The following ARMC3 variants were observed in gnomAD, a reference collection of about 807,000 sequenced individuals.
ARMC3 encodes armadillo repeat containing 3.
ARMC3 carries 74 observed loss-of-function variants against 90.3 expected under a neutral mutation model. That is an observed-to-expected ratio of 0.82 (90% CI 0.68 to 0.99). ARMC3 has a LOEUF of 0.99. Among genes scored for constraint, ARMC3 ranks in the 50% least tolerant of loss-of-function variants. ARMC3 has a pLI of 0.00. For missense variants in ARMC3, 958 were observed against 1,042.8 expected, an observed-to-expected ratio of 0.92 and a Z score of 1.12; for synonymous variants, 334 against 361.8, an observed-to-expected ratio of 0.92 and a Z score of 0.87.
intron 16 of ARMC3, among the ~76,000 whole-genome samples, chr10:23,024,433 G>A (rs1263471480): frequency 6.6e-6 from 1 of 152,000 alleles, no homozygotes; most frequent in Non-Finnish European, 1.5e-5. Flanking sequence ...CAGATAGATA[G>A]ATACCTCCAT....
Position 22,998,285 on chromosome 10 carries a change from A to T in ARMC3, c.1313A>T (p.His438Leu). Residue 438 changes from histidine to leucine, a missense_variant, in exon 11 of 19, where the codon CAC becomes CTC. His to Leu is a moderately conservative substitution (Grantham distance 99, BLOSUM62 -3). Coordinates refer to ENST00000298032, the MANE Select transcript of ARMC3 (RefSeq NM_173081.5). The stretch of plus-strand genomic sequence containing the variant: ...CCCCTGCGCCTGAACATACAGAATC[A>T]CGACATCATGCATGCCATCATCAGC... ...QEPLRLNIQN[H>L]DIMHAIISPL... is the part of the protein sequence containing the mutation. 1 of 1,612,638 alleles carries T rather than the reference A, an allele frequency of 6.2e-7. No individual in the cohort carries two copies. The highest frequency in any genetic ancestry group is 8.5e-7 in the Non-Finnish European group (1 of 1,179,222).
chr10:22,987,277 CTT>C (rs112421819), intron 10 of ARMC3, among the ~76,000 whole-genome samples: 4,481 of 152,278 alleles, frequency 0.029, 93 homozygotes, highest in African/African-American at 0.052. Context: ...TACTGAGAGA[CTT>C]ATTCTCTGAG....
chr10:22,975,807 C>T (rs1462510592), intron 8 of ARMC3, among the ~76,000 whole-genome samples: 1 of 152,122 alleles, frequency 6.6e-6, no homozygotes, highest in Non-Finnish European at 1.5e-5. Context: ...GTTTTTTCCA[C>T]TATACTTTGG....
intron 3 of ARMC3, among the ~76,000 whole-genome samples, chr10:22,952,332 A>G (rs1834767502): frequency 6.6e-6 from 1 of 152,210 alleles, no homozygotes; most frequent in Non-Finnish European, 1.5e-5. Flanking sequence ...CAAATTATCC[A>G]TATCAGGAGT....
chr10:23,010,796 T>C (rs570116339), intron 16 of ARMC3, among the ~76,000 whole-genome samples: 2 of 114,238 alleles, frequency 1.8e-5, no homozygotes, highest in African/African-American at 6.8e-5. Context: ...CTCCTCTCCT[T>C]TGCTCTCTCT....
chr10:22,963,335 G>A (rs1347740961), intron 7 of ARMC3, among the ~76,000 whole-genome samples: 1 of 152,120 alleles, frequency 6.6e-6, no homozygotes, highest in Non-Finnish European at 1.5e-5. Context: ...CAAAGAGGTT[G>A]AATAACTTGC....
In ARMC3 at chr10:22,955,915, G is replaced by A; in HGVS notation, c.275G>A (p.Gly92Glu). The change falls in exon 4 of 19, where the codon GGA becomes GAA. Residue 92 changes from glycine to glutamate, a missense_variant. Physicochemically the swap from Gly to Glu is moderately conservative, Grantham distance 98 (BLOSUM62 -2). Coordinates refer to ENST00000298032, the MANE Select transcript of ARMC3 (RefSeq NM_173081.5). ...IVRRNATMIF[G>E]ILASNNDVKK... ...AGAAGAAATGCTACTATGATATTTG[G>A]AATCCTGGCTTCTAATAGTAAGTAT... The A allele has an allele frequency of 6.2e-7, 1 of 1,605,274 alleles. No individual in the cohort carries two copies. Among genetic ancestry groups the A allele is most frequent in the Non-Finnish European group, 8.5e-7 (1 of 1,172,596 alleles).
In ARMC3 at chr10:22,998,386, G is replaced by A. The variant is rs1334966869; in HGVS notation, c.1414G>A (p.Ala472Thr). ...AVTATACDVEARTELRNSGGL... is the reference protein window; with the variant it reads ...AVTATACDVETRTELRNSGGL... Reference sequence around the variant, plus strand: ...CACCGCAACTGCGTGTGACGTTGAAGCCCGGACTGAGGTGAGAATTTTAAT... The same window carrying A: ...CACCGCAACTGCGTGTGACGTTGAAACCCGGACTGAGGTGAGAATTTTAAT... The change falls in exon 11 of 19, where the codon GCC becomes ACC. Residue 472 changes from alanine to threonine, a missense_variant. Transcript: ENST00000298032. The A allele has an allele frequency of 3.7e-6, 6 of 1,614,070 alleles. No homozygotes were observed. The highest frequency in any genetic ancestry group is 4.2e-6 in the Non-Finnish European group (5 of 1,179,992).
chr10:23,038,370 C>G lies in ARMC3; in HGVS notation c.*891C>G, dbSNP rs576622062. 1 of 152,070 alleles carries G rather than the reference C, an allele frequency of 6.6e-6. No individual in the cohort carries two copies. Among genetic ancestry groups the G allele is most frequent in the Admixed American group, 6.5e-5 (1 of 15,274 alleles). The allele number at this position is 152,070 out of a possible 1,614,324, so 9.4% of individuals were successfully genotyped here. ...TCGTGAAGTACATATTGCCTAGTCACGCTTAAAGTCCAGTGTTGACCTGTA... is the reference window on the plus strand; with the variant it reads ...TCGTGAAGTACATATTGCCTAGTCAGGCTTAAAGTCCAGTGTTGACCTGTA... On this transcript the variant is annotated 3_prime_UTR_variant, in exon 19 of 19. Transcript: ENST00000298032.
chr10:22,982,729 A>G (rs746453553), intron 10 of ARMC3, among the ~76,000 whole-genome samples: 1 of 152,174 alleles, frequency 6.6e-6, no homozygotes, highest in African/African-American at 2.4e-5. Flanking sequence ...CCCTGCCTCC[A>G]TCTCATTTGG....
intron 10 of ARMC3, among the ~76,000 whole-genome samples, chr10:22,985,749 T>A (rs1836391247): frequency 6.6e-6 from 1 of 152,216 alleles, no homozygotes; most frequent in South Asian, 2.1e-4. Context: ...TCCTTTTACT[T>A]ACAAATGGGC....
chr10:23,013,932 A>C (rs12251930), intron 16 of ARMC3, among the ~76,000 whole-genome samples: 1,847 of 152,224 alleles, frequency 0.012, 45 homozygotes, highest in African/African-American at 0.042. Flanking sequence ...TTATTTATTG[A>C]TTAATAATAT....
intron 14 of ARMC3, 47 bp downstream of exon 14, chr10:23,007,028 G>C (rs1837650686): frequency 7.2e-7 from 1 of 1,385,376 alleles, no homozygotes. Context: ...CATACTGCTT[G>C]TTGTTGTTGT....
chr10:22,937,468 G>A (rs1218713389), intron 2 of ARMC3, among the ~76,000 whole-genome samples: 1 of 152,142 alleles, frequency 6.6e-6, no homozygotes, highest in African/African-American at 2.4e-5. Flanking sequence ...TGTTTTAGAT[G>A]TGGGTTGGTG....
chr10:23,030,766 A>G lies in ARMC3; in HGVS notation c.2216A>G (p.Asn739Ser), dbSNP rs762798215. ...ACCAAATCAATACTGCCAATAACCA[A>G]TATTAAGGAACAGATTGAGGATCTG... ...EVTKSILPITNIKEQIEDLAK... is the reference protein window; with the variant it reads ...EVTKSILPITSIKEQIEDLAK... The change falls in exon 17 of 19, where the codon AAT becomes AGT. Residue 739 changes from asparagine to serine, a missense_variant. Physicochemically the swap from Asn to Ser is conservative, Grantham distance 46. Coordinates refer to ENST00000298032, the MANE Select transcript of ARMC3 (RefSeq NM_173081.5). The G allele has an allele frequency of 6.2e-7, 1 of 1,613,642 alleles. No homozygotes were observed. The highest frequency in any genetic ancestry group is 8.5e-7 in the Non-Finnish European group (1 of 1,179,694).
chr10:22,928,298 C>T (rs1184352798), intron 1 of ARMC3, among the ~76,000 whole-genome samples, 192 bp downstream of exon 1: 1 of 152,150 alleles, frequency 6.6e-6, no homozygotes, highest in Non-Finnish European at 1.5e-5. Context: ...ATCCCGCCAC[C>T]TCCCATTCAA....
chr10:22,931,916 A>G (rs1045449920), intron 1 of ARMC3, 80 bp from the exon 2 acceptor site: 19 of 1,230,522 alleles, frequency 1.5e-5, no homozygotes, highest in Non-Finnish European at 2.2e-5. Context: ...AGGAGAAAAT[A>G]AACCTCCTCT....
chr10:22,986,110 G>GCCCCCCCCCCC (rs147031860), intron 10 of ARMC3, among the ~76,000 whole-genome samples: 3 of 101,526 alleles, frequency 3.0e-5, no homozygotes, highest in Admixed American at 1.3e-4. Context: ...TGCACTGCAC[G>GCCCCCCCCCCC]CCCCCCCCCC....
Position 22,950,351 on chromosome 10 carries a change from G to A in ARMC3, c.166+4090G>A, listed in dbSNP as rs544408568. ...CAACAACAGCCCCAACATAGAAAGG[G>A]AAAAAATGGAAGTATACTATTGTTA... On this transcript the variant is annotated intron_variant, in intron 3 of 18. Coordinates refer to ENST00000298032, the MANE Select transcript of ARMC3 (RefSeq NM_173081.5). Among the ~76,000 whole-genome samples the A allele has an allele frequency of 2.0e-5, 3 of 151,942 alleles. No homozygotes were observed. In the South Asian group the frequency reaches 6.2e-4, roughly 32 times the overall value.
Sources: allele counts gnomAD v4.1 joint callset (sites outside exome capture counted in the v4.1 genomes callset), GRCh38; gene constraint gnomAD v4.1.1; transcripts MANE v1.5; gene names NCBI Gene and HGNC (gene_info 2026-07-23, HGNC 2026-07-21).